CACNA1E: variants seen among roughly 807,000 people sequenced by gnomAD.
The protein encoded by CACNA1E is calcium voltage-gated channel subunit alpha1 E.
A neutral mutation model predicts 259.2 loss-of-function variants in CACNA1E; 40 were observed. That is an observed-to-expected ratio of 0.15 (90% CI 0.12 to 0.20). The LOEUF is 0.20. Ranked by LOEUF, CACNA1E falls within the 10% of genes least tolerant of loss-of-function variation. The pLI, the probability that CACNA1E is intolerant of heterozygous loss-of-function variation, is 1.00. For synonymous variants in CACNA1E, 1,104 were observed against 1,138.5 expected (o/e 0.97, Z 0.61); for missense variants, 1,874 against 3,040.1 (o/e 0.62, Z 9.02).
intron 1 of CACNA1E, among the ~76,000 whole-genome samples, chr1:181,405,863 G>GA (rs1304144798): frequency 1.3e-5 from 2 of 152,198 alleles, no homozygotes; most frequent in Admixed American, 6.5e-5. Context: ...CAGCTGGAGA[G>GA]AAAAAGAGTT....
intron 17 of CACNA1E, among the ~76,000 whole-genome samples, chr1:181,725,395 G>A (rs1051839014): frequency 3.3e-5 from 5 of 152,240 alleles, no homozygotes; most frequent in Non-Finnish European, 7.3e-5. Context: ...AGACAGGAAT[G>A]CCATATCTGC....
chr1:181,683,623 T>G (rs1650215516), intron 7 of CACNA1E, among the ~76,000 whole-genome samples: 1 of 152,192 alleles, frequency 6.6e-6, no homozygotes. Context: ...TGATATCTAT[T>G]GTTAACCTAT....
intron 32 of CACNA1E, among the ~76,000 whole-genome samples, chr1:181,761,103 C>T (rs1386114308): frequency 6.6e-6 from 1 of 152,174 alleles, no homozygotes; most frequent in Non-Finnish European, 1.5e-5. Flanking sequence ...TGTCCATATG[C>T]CCCATAGGTA....
chr1:181,616,822 TTA>T lies in CACNA1E; in HGVS notation c.952-34514_952-34513del, dbSNP rs576867682. On this transcript the variant is annotated intron_variant, in intron 6 of 47. Transcript: ENST00000367573. ...TCAAACTTTCTTTGTTTTGTCTTTT[TTA>T]TGTCTCTTATAAGTTACAGATTTAA... Among the ~76,000 whole-genome samples, 270 of 152,364 alleles carry T rather than the reference TTA, an allele frequency of 1.8e-3. 1 individual carries two copies. Among genetic ancestry groups the T allele is most frequent in the African/African-American group, 6.3e-3 (263 of 41,598 alleles).
At chr1:181,369,005 G>A (rs1162873146) in intron 1 of CACNA1E, among the ~76,000 whole-genome samples, 1 of 152,144 alleles carries the variant, frequency 6.6e-6, no homozygotes, top group Non-Finnish European at 1.5e-5. Context: ...TATGAATGAT[G>A]TTCTATCAGG....
At chr1:181,619,397 G>A (rs183015902) in intron 6 of CACNA1E, among the ~76,000 whole-genome samples, 209 of 151,942 alleles carry the variant, frequency 1.4e-3, no homozygotes, top group Non-Finnish European at 2.4e-3. Flanking sequence ...GAGGAGCTAG[G>A]AGAACCATAT....
At chr1:181,547,259 T>G (rs1647578850) in intron 3 of CACNA1E, among the ~76,000 whole-genome samples, 2 of 152,040 alleles carry the variant, frequency 1.3e-5, no homozygotes, top group African/African-American at 2.4e-5. Flanking sequence ...GATGCCACCT[T>G]AACTCCAGCA....
At chr1:181,410,238 C>T (rs907436844) in intron 1 of CACNA1E, among the ~76,000 whole-genome samples, 2 of 152,160 alleles carry the variant, frequency 1.3e-5, no homozygotes, top group African/African-American at 2.4e-5. Context: ...ACGTGAGGAA[C>T]GTGAATCACT....
intron 7 of CACNA1E, among the ~76,000 whole-genome samples, chr1:181,671,561 A>G (rs973434015): frequency 3.3e-5 from 5 of 152,184 alleles, no homozygotes; most frequent in Non-Finnish European, 7.3e-5. Context: ...TTGCTGCCAG[A>G]CTTCTACAGC....
chr1:181,673,561 G>A (rs1178629424), intron 7 of CACNA1E, among the ~76,000 whole-genome samples: 1 of 152,200 alleles, frequency 6.6e-6, no homozygotes, highest in Non-Finnish European at 1.5e-5. Context: ...TTTCCAAGGT[G>A]AGTGAGTTAG....
intron 38 of CACNA1E, among the ~76,000 whole-genome samples, chr1:181,779,288 GCTTA>G (rs949539881): frequency 6.6e-6 from 1 of 152,198 alleles, no homozygotes; most frequent in African/African-American, 2.4e-5. Context: ...GTTCTCTGGT[GCTTA>G]CTGTTTTCAG....
intron 43 of CACNA1E, among the ~76,000 whole-genome samples, chr1:181,787,435 T>G (rs904726655): frequency 2.0e-5 from 3 of 152,194 alleles, no homozygotes; most frequent in African/African-American, 7.2e-5. Context: ...AAATGGGGGA[T>G]ACCACCCCCT....
chr1:181,566,391 T>A (rs568303024), intron 3 of CACNA1E, among the ~76,000 whole-genome samples: 1 of 152,194 alleles, frequency 6.6e-6, no homozygotes, highest in Non-Finnish European at 1.5e-5. Context: ...TTTCTTTTTC[T>A]TTTTGTTATC....
chr1:181,514,928 T>A (rs679931), intron 3 of CACNA1E, among the ~76,000 whole-genome samples: 71,740 of 151,992 alleles, frequency 0.47, 20,451 homozygotes, highest in African/African-American at 0.81. Flanking sequence ...CTTGTCCTCA[T>A]AATGCCATAG....
intron 3 of CACNA1E, among the ~76,000 whole-genome samples, chr1:181,575,869 C>T (rs1650919046): frequency 6.6e-6 from 1 of 152,206 alleles, no homozygotes; most frequent in South Asian, 2.1e-4. Flanking sequence ...TTCTCTATCT[C>T]CACACCTATC....
At chr1:181,510,805 G>T (rs909957320) in intron 2 of CACNA1E, among the ~76,000 whole-genome samples, 6 of 152,216 alleles carry the variant, frequency 3.9e-5, no homozygotes, top group African/African-American at 1.4e-4. Context: ...AGAAGAAAGG[G>T]CAGGCACAGG....
At chr1:181,585,498 A>G (rs1024773865) in intron 6 of CACNA1E, among the ~76,000 whole-genome samples, 3 of 152,236 alleles carry the variant, frequency 2.0e-5, no homozygotes, top group African/African-American at 7.2e-5. Flanking sequence ...TGGAACTTAT[A>G]TTCTAGTGGG....
intron 6 of CACNA1E, among the ~76,000 whole-genome samples, chr1:181,584,645 G>A (rs764702501): frequency 3.3e-5 from 5 of 152,068 alleles, no homozygotes; most frequent in Non-Finnish European, 5.9e-5. Context: ...CATCCATCTC[G>A]CAGTTGATGA....
intron 2 of CACNA1E, among the ~76,000 whole-genome samples, chr1:181,440,126 T>G (rs1437620381): frequency 6.6e-6 from 1 of 152,236 alleles, no homozygotes; most frequent in Admixed American, 6.5e-5. Context: ...GCAGCACCTG[T>G]GATCAGGTAG....
Sources: gnomAD v4.1 joint callset for allele counts (sites outside exome capture counted in the v4.1 genomes callset) on GRCh38, gnomAD v4.1.1 for gene constraint, MANE v1.5 for transcripts, NCBI Gene and HGNC (gene_info 2026-07-23, HGNC 2026-07-21) for gene names.